CLEC2A: variants seen among roughly 807,000 people sequenced by gnomAD.
CLEC2A encodes keratinocyte-associated C-type lectin.
A neutral mutation model predicts 18.6 loss-of-function variants in CLEC2A; 19 were observed. The observed-to-expected ratio is 1.02, with a 90% CI of 0.71 to 1.50. The LOEUF is 1.50. CLEC2A is among the 40% of genes most tolerant of loss of function. The probability of loss-of-function intolerance (pLI) is 0.00; values close to 1 mark genes in which losing one functional copy is unlikely to be tolerated. For missense variants in CLEC2A, 190 were observed against 207.9 expected, an observed-to-expected ratio of 0.91 and a Z score of 0.53; for synonymous variants, 74 against 64.0, an observed-to-expected ratio of 1.16 and a Z score of -0.75.
intron 3 of CLEC2A, among the ~76,000 whole-genome samples, chr12:9,917,888 A>C (rs749409218): frequency 6.6e-6 from 1 of 151,962 alleles, no homozygotes; most frequent in Non-Finnish European, 1.5e-5. Context: ...TTTGTTGGTG[A>C]AATGTATGTC....
At chr12:9,902,779 C>G (rs772802381) in intron 4 of CLEC2A, among the ~76,000 whole-genome samples, 12 of 152,170 alleles carry the variant, frequency 7.9e-5, no homozygotes, top group Admixed American at 5.2e-4. Context: ...CAAGAGCACA[C>G]TGAACAAAGG....
chr12:9,918,723 T>G (rs1427919060), intron 3 of CLEC2A, among the ~76,000 whole-genome samples: 1 of 152,216 alleles, frequency 6.6e-6, no homozygotes, highest in Non-Finnish European at 1.5e-5. Flanking sequence ...CGTTAAGAAC[T>G]CTTGTTGGAG....
chr12:9,903,111 G>C (rs753091490), intron 4 of CLEC2A, among the ~76,000 whole-genome samples: 1 of 151,976 alleles, frequency 6.6e-6, no homozygotes, highest in Non-Finnish European at 1.5e-5. Context: ...TCTGAACAAA[G>C]AACAAGGACA....
At chr12:9,909,452 G>A (rs112452555), downstream of CLEC2A, among the ~76,000 whole-genome samples, 226 of 152,292 alleles carry the variant, frequency 1.5e-3, no homozygotes, top group African/African-American at 5.3e-3. Flanking sequence ...CCCAGGATGG[G>A]CATTAACTCA....
At chr12:9,916,669 T>A in intron 4 of CLEC2A, 31 bp downstream of exon 4, 1 of 1,316,140 alleles carries the variant, frequency 7.6e-7, no homozygotes, top group Non-Finnish European at 1.1e-6. Flanking sequence ...CACACCAGAA[T>A]AAGAACATTG....
intron 1 of CLEC2A, among the ~76,000 whole-genome samples, chr12:9,930,685 G>A (rs151056109): frequency 2.5e-4 from 38 of 151,806 alleles, no homozygotes; most frequent in Non-Finnish European, 4.0e-4. Context: ...GCTTTTATTA[G>A]TTTTAGAAGT....
the CLEC2A span, among the ~76,000 whole-genome samples, chr12:9,882,123 A>T: frequency 1.9e-4 from 29 of 152,182 alleles, no homozygotes; most frequent in African/African-American, 6.3e-4. Flanking sequence ...AAAAACAAAA[A>T]AACATTAATC....
At chr12:9,895,930 G>T (rs950109739), downstream of CLEC2A, 4 of 1,188,204 alleles carry the variant, frequency 3.4e-6, 1 homozygote, top group African/African-American at 4.8e-5. Flanking sequence ...GAAAGTTTCT[G>T]CTAACAGACA....
intron 3 of CLEC2A, among the ~76,000 whole-genome samples, chr12:9,918,325 A>G (rs1467150205): frequency 4.6e-5 from 7 of 152,212 alleles, no homozygotes; most frequent in Admixed American, 6.5e-5. Flanking sequence ...ATGGCTAGCC[A>G]GTTATTCCAG....
intron 4 of CLEC2A, among the ~76,000 whole-genome samples, chr12:9,902,686 G>A (rs187070347): frequency 6.6e-6 from 1 of 151,472 alleles, no homozygotes; most frequent in African/African-American, 2.4e-5. Context: ...GTGCCACAAA[G>A]AAGAACCAGC....
At chr12:9,929,761 G>A (rs1013403247) in intron 1 of CLEC2A, among the ~76,000 whole-genome samples, 2 of 151,748 alleles carry the variant, frequency 1.3e-5, no homozygotes, top group African/African-American at 4.8e-5. Context: ...ATTAAATCGG[G>A]GTAAATTTCT....
chr12:9,918,531 A>G (rs1160081406), intron 3 of CLEC2A, among the ~76,000 whole-genome samples: 3 of 152,194 alleles, frequency 2.0e-5, no homozygotes, highest in Non-Finnish European at 4.4e-5. Context: ...GTCAGGTAAC[A>G]TGATGCTCCT....
intron 2 of CLEC2A, among the ~76,000 whole-genome samples, chr12:9,925,943 C>T (rs1863263978): frequency 6.6e-6 from 1 of 152,144 alleles, no homozygotes; most frequent in African/African-American, 2.4e-5. Flanking sequence ...AGCAATGGGA[C>T]CTAGACTGAA....
At chr12:9,912,055 G>A (rs113919390), downstream of CLEC2A, among the ~76,000 whole-genome samples, 230 of 152,158 alleles carry the variant, frequency 1.5e-3, no homozygotes, top group African/African-American at 5.4e-3. Context: ...TAGTTGGGGG[G>A]CCTGGCCTTG....
the CLEC2A span, among the ~76,000 whole-genome samples, chr12:9,887,949 G>C: frequency 6.6e-6 from 1 of 150,554 alleles, no homozygotes; most frequent in African/African-American, 2.4e-5. Context: ...CCAACTACTT[G>C]GGAAGCTGAG....
At chr12:9,923,023 G>A (rs956501834) in intron 2 of CLEC2A, among the ~76,000 whole-genome samples, 3 of 152,068 alleles carry the variant, frequency 2.0e-5, no homozygotes, top group African/African-American at 4.8e-5. Flanking sequence ...TGCTCTTTTT[G>A]TTGTGTTTTG....
intron 2 of CLEC2A, among the ~76,000 whole-genome samples, chr12:9,924,685 A>T (rs867655803): frequency 6.6e-6 from 1 of 152,228 alleles, no homozygotes; most frequent in Non-Finnish European, 1.5e-5. Flanking sequence ...CCAATGAGAC[A>T]GTCTTGCAAA....
At chr12:9,930,740 TTC>T (rs1336731947) in intron 1 of CLEC2A, among the ~76,000 whole-genome samples, 1 of 152,140 alleles carries the variant, frequency 6.6e-6, no homozygotes, top group East Asian at 1.9e-4. Flanking sequence ...TATTCTTTTT[TTC>T]TCTCTCTCTG....
At chr12:9,930,618 GT>G (rs550962942) in intron 1 of CLEC2A, among the ~76,000 whole-genome samples, 129 of 151,692 alleles carry the variant, frequency 8.5e-4, no homozygotes, top group Middle Eastern at 6.8e-3. Context: ...CCAGATGCAT[GT>G]TTTTTTCTTA....
Sources: gnomAD v4.1 joint callset for allele counts (sites outside exome capture counted in the v4.1 genomes callset) on GRCh38, gnomAD v4.1.1 for gene constraint, MANE v1.5 for transcripts, NCBI Gene and HGNC (gene_info 2026-07-23, HGNC 2026-07-21) for gene names.